The following EFNA5 variants were observed in gnomAD, a reference collection of about 807,000 sequenced individuals.
The protein encoded by EFNA5 is ephrin A5.
Under a neutral mutation model 22.9 loss-of-function variants are expected in EFNA5, and 5 were observed. The observed-to-expected ratio is 0.22, with a 90% CI of 0.11 to 0.46. EFNA5 has a LOEUF of 0.46. EFNA5 is among the 20% of genes least tolerant of loss of function. EFNA5 has a pLI of 0.99. For missense variants in EFNA5, 237 were observed against 293.3 expected (o/e 0.81, Z 1.40); for synonymous variants, 113 against 112.2 (o/e 1.01, Z -0.04).
intron 2 of EFNA5, among the ~76,000 whole-genome samples, chr5:107,393,755 G>A (rs1747847189): frequency 6.6e-6 from 1 of 152,162 alleles, no homozygotes; most frequent in African/African-American, 2.4e-5. Context: ...AAATTAGGCA[G>A]GTGAAGGTGG....
In EFNA5 at chr5:107,376,947, G is replaced by A. The variant is rs1747278026; in HGVS notation, c.*4308C>T. On this transcript the variant is annotated 3_prime_UTR_variant, in exon 5 of 5. Transcript: ENST00000333274. ...TTTAGTTATACTTGTACGGACACGT[G>A]TATATACAAATACAGATCGTATGGG... 6.6e-6 allele frequency: 1 copy of A among 150,432 alleles called. No homozygotes were observed. The highest frequency in any genetic ancestry group is 2.1e-4 in the South Asian group (1 of 4,786). The allele number at this position is 150,432 out of a possible 1,614,324, so 9.3% of individuals were successfully genotyped here. A position where few individuals can be genotyped will look rare whatever the true frequency, so the allele number is the denominator to read the frequency against.
chr5:107,413,595 T>C (rs1191605485), intron 2 of EFNA5, among the ~76,000 whole-genome samples: 1 of 152,218 alleles, frequency 6.6e-6, no homozygotes, highest in Non-Finnish European at 1.5e-5. Flanking sequence ...GAATATTTCT[T>C]ATCACTTGAT....
At chr5:107,452,384 A>G (rs1749584416) in intron 1 of EFNA5, among the ~76,000 whole-genome samples, 2 of 152,090 alleles carry the variant, frequency 1.3e-5, no homozygotes, top group Non-Finnish European at 2.9e-5. Flanking sequence ...ATTTACAGAA[A>G]TTCAAGCCTA....
At chr5:107,449,950 A>T (rs1561391362) in intron 1 of EFNA5, among the ~76,000 whole-genome samples, 2 of 152,204 alleles carry the variant, frequency 1.3e-5, no homozygotes, top group Non-Finnish European at 2.9e-5. Flanking sequence ...TTGTTTCTCT[A>T]ACTTTCCCTT....
chr5:107,645,546 A>ATAG (rs1750616147), intron 1 of EFNA5, among the ~76,000 whole-genome samples: 1 of 152,240 alleles, frequency 6.6e-6, no homozygotes, highest in Non-Finnish European at 1.5e-5. Flanking sequence ...TTTTATAGTC[A>ATAG]ATCTAGTCAT....
chr5:107,438,518 C>G (rs908587403), intron 1 of EFNA5, among the ~76,000 whole-genome samples: 1 of 152,200 alleles, frequency 6.6e-6, no homozygotes, highest in African/African-American at 2.4e-5. Context: ...CTGCTCAGGT[C>G]AGGCCTCAGC....
rs1288224168 is a variant in EFNA5 at position 107,663,560 on chromosome 5, A to G, written c.125+6929T>C. 1.1e-4 allele frequency among the ~76,000 whole-genome samples: 16 copies of G among 152,278 alleles called. No individual in the cohort carries two copies. The South Asian group carries it at 3.1e-3, about 30-fold the overall frequency. The stretch of plus-strand genomic sequence containing the variant: ...TGAAAATCAGGTCACTTGATAAGCT[A>G]TAATAGAAAGAATATTTATATCTTA... On this transcript the variant is annotated intron_variant, in intron 1 of 4. Transcript: ENST00000333274.
At chr5:107,641,549 A>T (rs1401235695) in intron 1 of EFNA5, among the ~76,000 whole-genome samples, 1 of 152,108 alleles carries the variant, frequency 6.6e-6, no homozygotes, top group African/African-American at 2.4e-5. Context: ...AGAAAAATAA[A>T]ATCCTAGTAA....
intron 1 of EFNA5, among the ~76,000 whole-genome samples, chr5:107,594,702 T>A (rs1242215001): frequency 6.6e-6 from 1 of 152,204 alleles, no homozygotes; most frequent in Non-Finnish European, 1.5e-5. Context: ...AACCATTTTC[T>A]AATCCTTCCC....
At chr5:107,387,645 G>T in intron 3 of EFNA5, 61 bp downstream of exon 3, 2 of 1,266,698 alleles carry the variant, frequency 1.6e-6, no homozygotes, top group South Asian at 2.6e-5. Flanking sequence ...CCGTGAACCA[G>T]ACCACACAAT....
intron 1 of EFNA5, among the ~76,000 whole-genome samples, chr5:107,573,341 G>T (rs375574473): frequency 4.6e-5 from 7 of 152,052 alleles, no homozygotes; most frequent in African/African-American, 1.7e-4. Context: ...TATGAAACCA[G>T]GGGGTAAGAA....
chr5:107,451,577 A>G (rs1218649367), intron 1 of EFNA5, among the ~76,000 whole-genome samples: 1 of 152,208 alleles, frequency 6.6e-6, no homozygotes, highest in Non-Finnish European at 1.5e-5. Flanking sequence ...GATAATCTAT[A>G]AAGAGAAAAC....
At position 107,551,443 on chromosome 5, in the gene EFNA5, G is replaced by A. The variant is rs73777901; in HGVS notation, c.125+119046C>T. Among the ~76,000 whole-genome samples, 339 of 152,176 alleles carry A rather than the reference G, an allele frequency of 2.2e-3. 4 individuals are homozygous for A. The highest frequency in any genetic ancestry group is 7.9e-3 in the African/African-American group (326 of 41,512). ...TATATTTTTCAGAGTAGTTTTACAC[G>A]TAACTCATTCAATTCTCACAATAAC... On this transcript the variant is annotated intron_variant, in intron 1 of 4. Coordinates refer to ENST00000333274, the MANE Select transcript of EFNA5 (RefSeq NM_001962.3).
intron 1 of EFNA5, among the ~76,000 whole-genome samples, chr5:107,518,635 C>T (rs115856901): frequency 1.3e-3 from 202 of 152,170 alleles, no homozygotes; most frequent in African/African-American, 4.7e-3. Flanking sequence ...TTGCCAAAGA[C>T]AAGGTACCAC....
intron 1 of EFNA5, among the ~76,000 whole-genome samples, chr5:107,466,794 G>A (rs983178441): frequency 6.6e-6 from 1 of 152,158 alleles, no homozygotes; most frequent in African/African-American, 2.4e-5. Context: ...CATCAGGAAA[G>A]GGCTCCAGAA....
intron 1 of EFNA5, among the ~76,000 whole-genome samples, chr5:107,647,771 T>C (rs1750656209): frequency 6.6e-6 from 1 of 152,172 alleles, no homozygotes; most frequent in Non-Finnish European, 1.5e-5. Flanking sequence ...ATCACTGTGC[T>C]CTGTGACTGT....
At chr5:107,403,049 G>T (rs1298892011) in intron 2 of EFNA5, among the ~76,000 whole-genome samples, 3 of 152,160 alleles carry the variant, frequency 2.0e-5, no homozygotes, top group Non-Finnish European at 4.4e-5. Context: ...CCTCGCAGCA[G>T]GGGGGGAAGT....
intron 1 of EFNA5, among the ~76,000 whole-genome samples, chr5:107,442,002 T>G (rs1260320347): frequency 6.6e-6 from 1 of 152,074 alleles, no homozygotes; most frequent in East Asian, 1.9e-4. Context: ...CTTACTAGAG[T>G]TGAGAGCAAC....
chr5:107,428,444 T>A (rs17159960), intron 1 of EFNA5, among the ~76,000 whole-genome samples: 4,633 of 152,304 alleles, frequency 0.03, 220 homozygotes, highest in African/African-American at 0.11. Flanking sequence ...CCACACTGTC[T>A]GCTTCAATTC....
Sources: allele counts gnomAD v4.1 joint callset (sites outside exome capture counted in the v4.1 genomes callset), GRCh38; gene constraint gnomAD v4.1.1; transcripts MANE v1.5; gene names NCBI Gene and HGNC (gene_info 2026-07-23, HGNC 2026-07-21).